The following ZNF532 variants were observed in gnomAD, a reference collection of about 807,000 sequenced individuals.
ZNF532 encodes the protein zinc finger protein 532.
Under a neutral mutation model 89.3 loss-of-function variants are expected in ZNF532, and 22 were observed. The ratio of observed to expected loss-of-function variants is 0.25; its 90% CI spans 0.18 to 0.35. The LOEUF (loss-of-function observed/expected upper bound fraction) is 0.35, where lower values mean the gene tolerates loss of function less well. ZNF532 is among the 10% of genes least tolerant of loss of function. The probability of loss-of-function intolerance (pLI) is 1.00; values close to 1 mark genes in which losing one functional copy is unlikely to be tolerated. For synonymous variants in ZNF532, 606 were observed against 649.6 expected (o/e 0.93, Z 1.02); for missense variants, 1,132 against 1,643.4 (o/e 0.69, Z 5.38).
At chr18:58,923,276 G>A (rs2061266574) in intron 3 of ZNF532, among the ~76,000 whole-genome samples, 1 of 151,282 alleles carries the variant, frequency 6.6e-6, no homozygotes, top group Non-Finnish European at 1.5e-5. Flanking sequence ...AGTGTGAAAA[G>A]GCCCCATAGC....
chr18:58,865,668 T>A (rs2056387374), intron 2 of ZNF532, 89 bp downstream of exon 2: 1 of 152,488 alleles, frequency 6.6e-6, no homozygotes. Context: ...ACCCAGGAGA[T>A]AAAATTGGGT....
intron 4 of ZNF532, among the ~76,000 whole-genome samples, chr18:58,936,570 T>C (rs558112704): frequency 6.6e-6 from 1 of 152,352 alleles, no homozygotes; most frequent in South Asian, 2.1e-4. Flanking sequence ...TCTGTTCTTT[T>C]GCCCTACTCA....
chr18:58,942,062 G>A (rs550081757), intron 5 of ZNF532, among the ~76,000 whole-genome samples: 276 of 127,330 alleles, frequency 2.2e-3, no homozygotes, highest in Admixed American at 3.1e-3. Context: ...TCGCTGTGTC[G>A]CCCAGGCTGG....
At chr18:58,875,882 C>T (rs2057380924) in intron 2 of ZNF532, among the ~76,000 whole-genome samples, 1 of 149,778 alleles carries the variant, frequency 6.7e-6, no homozygotes, top group African/African-American at 2.5e-5. Context: ...CCCTTGTCGT[C>T]TAGAGTGTAT....
At chr18:58,981,724 T>G in intron 9 of ZNF532, 107 bp downstream of exon 9, 1 of 1,461,438 alleles carries the variant, frequency 6.8e-7, no homozygotes, top group Non-Finnish European at 9.3e-7. Flanking sequence ...TTTTAAAAAT[T>G]CAGACTGGCT....
chr18:58,918,223 T>G, intron 2 of ZNF532, 48 bp from the exon 3 acceptor site: 1 of 1,522,574 alleles, frequency 6.6e-7, no homozygotes, highest in Non-Finnish European at 8.9e-7. Flanking sequence ...TATCTCATCG[T>G]GAGGAAATAC....
chr18:58,870,069 G>T (rs970692348), intron 2 of ZNF532, among the ~76,000 whole-genome samples: 1 of 134,214 alleles, frequency 7.5e-6, no homozygotes, highest in Admixed American at 7.9e-5. Context: ...CCCAGCCCAG[G>T]TTGTTTTTTT....
intron 3 of ZNF532, chr18:58,934,213 A>C: frequency 2.3e-6 from 1 of 442,200 alleles, no homozygotes; most frequent in East Asian, 3.3e-5. Context: ...TCATACTTTG[A>C]GACGAGCCTG....
intron 6 of ZNF532, among the ~76,000 whole-genome samples, chr18:58,951,930 T>G (rs2064246083): frequency 6.6e-6 from 1 of 152,260 alleles, no homozygotes; most frequent in South Asian, 2.1e-4. Flanking sequence ...ATTACAGGCG[T>G]GAGCCACTGC....
chr18:58,905,343 G>A (rs2059864307), intron 2 of ZNF532, among the ~76,000 whole-genome samples: 2 of 151,278 alleles, frequency 1.3e-5, no homozygotes, highest in Non-Finnish European at 2.9e-5. Flanking sequence ...AGTATACAAC[G>A]TCTCATCCCG....
chr18:58,906,447 G>C (rs2059942075), intron 2 of ZNF532, among the ~76,000 whole-genome samples: 1 of 152,020 alleles, frequency 6.6e-6, no homozygotes, highest in African/African-American at 2.4e-5. Flanking sequence ...GGAGGCAGGG[G>C]GACATTCAGC....
At chr18:58,882,397 A>G (rs1015975085) in intron 2 of ZNF532, among the ~76,000 whole-genome samples, 1 of 152,168 alleles carries the variant, frequency 6.6e-6, no homozygotes, top group African/African-American at 2.4e-5. Context: ...CCTCCCTCAC[A>G]TGATAACTAT....
chr18:58,879,325 T>G (rs899365849), intron 2 of ZNF532, among the ~76,000 whole-genome samples: 1 of 152,220 alleles, frequency 6.6e-6, no homozygotes, highest in Non-Finnish European at 1.5e-5. Context: ...GTAGAGTCAA[T>G]GAGAAGTGAG....
At chr18:58,915,720 GAA>G (rs2060554832) in intron 2 of ZNF532, among the ~76,000 whole-genome samples, 1 of 152,230 alleles carries the variant, frequency 6.6e-6, no homozygotes, top group African/African-American at 2.4e-5. Context: ...GGGTTCATAA[GAA>G]TGTCAGACAG....
chr18:58,917,062 G>A (rs1371222499), intron 2 of ZNF532, among the ~76,000 whole-genome samples: 1 of 152,194 alleles, frequency 6.6e-6, no homozygotes, highest in Non-Finnish European at 1.5e-5. Flanking sequence ...GAAGTCAGCT[G>A]CTACCCTCTT....
At position 58,918,631 on chromosome 18, in the gene ZNF532, C is replaced by A. The variant is rs745881197; in HGVS notation, c.344C>A (p.Pro115His). ...GCAAAGTCCTTGAAAGGAGATGTGCCTGCCTCTGAGGTGACACTGAAAGAC... is the reference window on the plus strand; with the variant it reads ...GCAAAGTCCTTGAAAGGAGATGTGCATGCCTCTGAGGTGACACTGAAAGAC... Reference protein sequence around the residue: ...DGAKSLKGDVPASEVTLKDST... With the variant: ...DGAKSLKGDVHASEVTLKDST... Residue 115 changes from proline (P) to histidine (H), a missense_variant, in exon 3 of 10, where the codon CCT becomes CAT. By Grantham distance (77) the Pro-to-His change is moderately conservative. Coordinates refer to ENST00000591808, the MANE Select transcript of ZNF532 (RefSeq NM_001375912.1). 6 of 1,614,090 alleles carry A rather than the reference C, an allele frequency of 3.7e-6. No individual in the cohort carries two copies. In the South Asian group the frequency reaches 5.5e-5, roughly 15 times the overall value.
intron 2 of ZNF532, among the ~76,000 whole-genome samples, chr18:58,866,932 C>T (rs557750125): frequency 6.6e-6 from 1 of 152,372 alleles, no homozygotes; most frequent in South Asian, 2.1e-4. Flanking sequence ...TTACAAATCA[C>T]TGTGCTAAAA....
chr18:58,967,379 C>T (rs1268664417), intron 7 of ZNF532, among the ~76,000 whole-genome samples: 4 of 152,202 alleles, frequency 2.6e-5, no homozygotes, highest in Non-Finnish European at 5.9e-5. Flanking sequence ...CTTGCCTATT[C>T]TTGTTCCAGC....
At chr18:58,891,388 G>A (rs778215804) in intron 2 of ZNF532, among the ~76,000 whole-genome samples, 5 of 152,158 alleles carry the variant, frequency 3.3e-5, no homozygotes, top group Non-Finnish European at 7.4e-5. Flanking sequence ...AAATTAGCTG[G>A]GCATCATGGC....
Sources: allele counts gnomAD v4.1 joint callset (sites outside exome capture counted in the v4.1 genomes callset), GRCh38; gene constraint gnomAD v4.1.1; transcripts MANE v1.5; gene names NCBI Gene and HGNC (gene_info 2026-07-23, HGNC 2026-07-21).